The following COL19A1 variants were observed in gnomAD, a reference collection of about 807,000 sequenced individuals.
The protein encoded by COL19A1 is collagen type XIX alpha 1 chain.
A neutral mutation model predicts 190.2 loss-of-function variants in COL19A1; 159 were observed. That is an observed-to-expected ratio of 0.84 (90% CI 0.73 to 0.95). The LOEUF (loss-of-function observed/expected upper bound fraction) is 0.95, where lower values mean the gene tolerates loss of function less well. Among genes scored for constraint, COL19A1 ranks in the 40% least tolerant of loss-of-function variants. The pLI, the probability that COL19A1 is intolerant of heterozygous loss-of-function variation, is 0.00. For missense variants in COL19A1, 1,418 were observed against 1,431.9 expected (o/e 0.99, Z 0.16); for synonymous variants, 509 against 458.9 (o/e 1.11, Z -1.39).
At chr6:69,936,110 C>T (rs1489479319) in intron 7 of COL19A1, among the ~76,000 whole-genome samples, 5 of 152,012 alleles carry the variant, frequency 3.3e-5, no homozygotes, top group African/African-American at 1.2e-4. Flanking sequence ...TGTGTTTATC[C>T]TCCTCAGATT....
Position 69,921,256 on chromosome 6 carries a change from CATATCATATATCATATATATCAT to C in COL19A1, c.267-6612_267-6590del, listed in dbSNP as rs1484585768. On this transcript the variant is annotated intron_variant, in intron 4 of 50. Transcript: ENST00000620364. Reference sequence around the variant, plus strand: ...TTATATATCCATATATGTCATATATCATATCATATATCATATATATCATATATCATATATCATATATATCATAT... The same window carrying C: ...TTATATATCCATATATGTCATATATCATATCATATATCATATATATCATAT... Among the ~76,000 whole-genome samples the C allele has an allele frequency of 2.1e-4, 27 of 125,852 alleles. No individual in the cohort carries two copies. The South Asian group carries it at 2.9e-3, about 13-fold the overall frequency. 82.6% of individuals were successfully genotyped at this position (125,852 alleles called of 152,430 possible).
At chr6:69,921,510 A>ATG (rs1771914115) in intron 4 of COL19A1, among the ~76,000 whole-genome samples, 2 of 98,442 alleles carry the variant, frequency 2.0e-5, no homozygotes, top group South Asian at 3.2e-4. Flanking sequence ...ATATATATTC[A>ATG]TATGTATATT....
chr6:70,133,951 G>A (rs1303055367), intron 18 of COL19A1, among the ~76,000 whole-genome samples: 1 of 152,178 alleles, frequency 6.6e-6, no homozygotes, highest in East Asian at 1.9e-4. Context: ...TTTACCTGTA[G>A]AGCAGCTATG....
At chr6:70,161,564 G>A (rs1047138144) in intron 34 of COL19A1, among the ~76,000 whole-genome samples, 1 of 152,046 alleles carries the variant, frequency 6.6e-6, no homozygotes, top group Non-Finnish European at 1.5e-5. Flanking sequence ...GACGTTGGAG[G>A]CCCAGAAGTG....
At chr6:70,031,168 T>G (rs772771672) in intron 12 of COL19A1, among the ~76,000 whole-genome samples, 1 of 152,086 alleles carries the variant, frequency 6.6e-6, no homozygotes. Context: ...ATGACACTCC[T>G]TTTATCTTAG....
chr6:70,199,172 C>A (rs55836703), intron 48 of COL19A1, among the ~76,000 whole-genome samples: 4,837 of 152,266 alleles, frequency 0.032, 105 homozygotes, highest in Non-Finnish European at 0.052. Context: ...AATTAAACTC[C>A]AACTTTGGAA....
intron 24 of COL19A1, 79 bp downstream of exon 24, chr6:70,144,342 A>G (rs1786471289): frequency 2.4e-6 from 3 of 1,254,946 alleles, no homozygotes; most frequent in Non-Finnish European, 3.5e-6. Flanking sequence ...AGATGAAAGG[A>G]CAGCCCAGGG....
chr6:69,936,955 A>C, intron 8 of COL19A1, 45 bp downstream of exon 8: 1 of 1,602,492 alleles, frequency 6.2e-7, no homozygotes, highest in East Asian at 2.2e-5. Flanking sequence ...ACTCCAGACT[A>C]TGAGCCCAGC....
intron 1 of COL19A1, among the ~76,000 whole-genome samples, chr6:69,874,332 C>T (rs1768007998): frequency 6.6e-6 from 1 of 152,206 alleles, no homozygotes; most frequent in South Asian, 2.1e-4. Context: ...GTTTTTAAAA[C>T]ATATACAAGG....
intron 15 of COL19A1, among the ~76,000 whole-genome samples, chr6:70,081,169 A>G (rs1205701053): frequency 6.6e-6 from 1 of 152,190 alleles, no homozygotes; most frequent in Non-Finnish European, 1.5e-5. Flanking sequence ...AATGGAATAG[A>G]TGAATTCCCC....
chr6:70,092,185 T>A (rs1248162737), intron 15 of COL19A1, among the ~76,000 whole-genome samples: 1 of 152,072 alleles, frequency 6.6e-6, no homozygotes, highest in Non-Finnish European at 1.5e-5. Flanking sequence ...CGCAGGTGCA[T>A]CCAGGGAAAG....
At chr6:70,169,111 A>C (rs946415492) in intron 40 of COL19A1, among the ~76,000 whole-genome samples, 3 of 152,172 alleles carry the variant, frequency 2.0e-5, no homozygotes, top group Admixed American at 2.0e-4. Context: ...TAAACGTCTT[A>C]GGCAATTATT....
At position 70,016,390 on chromosome 6, in the gene COL19A1, G is replaced by GA. The variant is rs1399901785; in HGVS notation, c.1027-7225dup. Among the ~76,000 whole-genome samples, 246 of 95,640 alleles carry GA rather than the reference G, an allele frequency of 2.6e-3. 3 individuals carry two copies. The highest frequency in any genetic ancestry group is 0.015 in the Middle Eastern group (3 of 206). 62.7% of individuals were successfully genotyped at this position (95,640 alleles called of 152,430 possible). On this transcript the variant is annotated intron_variant, in intron 11 of 50. Transcript: ENST00000620364. ...ATAAAAAAAAAAAAAAAAAACACAT[G>GA]AAAAAAAAAAAACAAAACAAAACAA...
chr6:70,081,154 G>A (rs201931267), intron 15 of COL19A1, among the ~76,000 whole-genome samples: 29 of 152,034 alleles, frequency 1.9e-4, no homozygotes, highest in East Asian at 5.8e-4. Context: ...AGCTAAAGCC[G>A]AAAAAATGGA....
chr6:70,165,839 T>C, intron 36 of COL19A1, 102 bp from the exon 37 acceptor site: 1 of 1,062,010 alleles, frequency 9.4e-7, no homozygotes, highest in Admixed American at 1.8e-5. Flanking sequence ...TGGCAAGTCA[T>C]ATCGATTTCA....
intron 1 of COL19A1, among the ~76,000 whole-genome samples, chr6:69,878,809 C>G (rs1375167260): frequency 6.6e-6 from 1 of 152,034 alleles, no homozygotes; most frequent in Non-Finnish European, 1.5e-5. Flanking sequence ...ACCCAAATGT[C>G]CATTGATGGA....
At chr6:70,096,573 T>C (rs944704529) in intron 15 of COL19A1, among the ~76,000 whole-genome samples, 1 of 152,184 alleles carries the variant, frequency 6.6e-6, no homozygotes, top group Non-Finnish European at 1.5e-5. Flanking sequence ...ACAAAAGGAT[T>C]CTATAAGAGA....
chr6:69,904,180 C>T (rs1258792511), intron 4 of COL19A1, among the ~76,000 whole-genome samples: 2 of 152,148 alleles, frequency 1.3e-5, no homozygotes, highest in Non-Finnish European at 2.9e-5. Context: ...CATCATCTGG[C>T]CCCCAGGTAT....
At position 69,935,431 on chromosome 6, in the gene COL19A1, G is replaced by A. The variant is rs1373421095; in HGVS notation, c.748-1354G>A. Among the ~76,000 whole-genome samples the A allele has an allele frequency of 3.3e-5, 5 of 152,054 alleles. No individual in the cohort carries two copies. The East Asian group carries it at 9.6e-4, about 29-fold the overall frequency. On this transcript the variant is annotated intron_variant, in intron 7 of 50. Transcript: ENST00000620364. Reference sequence around the variant, plus strand: ...AATTCTAAGTGGGTCTTGGTTATCTGACTGGAAAGCCATGAGGTAAGAACT... The same window carrying A: ...AATTCTAAGTGGGTCTTGGTTATCTAACTGGAAAGCCATGAGGTAAGAACT...
Sources: gnomAD v4.1 joint callset for allele counts (sites outside exome capture counted in the v4.1 genomes callset) on GRCh38, gnomAD v4.1.1 for gene constraint, MANE v1.5 for transcripts, NCBI Gene and HGNC (gene_info 2026-07-23, HGNC 2026-07-21) for gene names.